The following SEMA4F variants were observed in gnomAD, a reference collection of about 807,000 sequenced individuals.
The protein encoded by SEMA4F is ssemaphorin 4F, also known as semaphorin-4F.
SEMA4F carries 51 observed loss-of-function variants against 78.4 expected under a neutral mutation model. The observed-to-expected ratio is 0.65, with a 90% confidence interval of 0.52 to 0.82. SEMA4F has a LOEUF of 0.82. Ranked by LOEUF, SEMA4F falls within the 40% of genes least tolerant of loss-of-function variation. The probability of loss-of-function intolerance (pLI) is 0.00; values close to 1 mark genes in which losing one functional copy is unlikely to be tolerated. For synonymous variants in SEMA4F, 418 were observed against 408.7 expected (o/e 1.02, Z -0.27); for missense variants, 938 against 1,014.4 (o/e 0.92, Z 1.02).
intron 5 of SEMA4F, among the ~76,000 whole-genome samples, chr2:74,670,303 ATCTG>A (rs550189236): frequency 2.0e-5 from 3 of 152,022 alleles, no homozygotes; most frequent in African/African-American, 4.8e-5. Flanking sequence ...GTACGTGTAT[ATCTG>A]TCTGTCTGTC....
intron 5 of SEMA4F, 42 bp downstream of exon 5, chr2:74,662,867 G>A (rs1191035637): frequency 6.7e-7 from 1 of 1,503,552 alleles, no homozygotes; most frequent in Non-Finnish European, 9.3e-7. Context: ...CTTGCTAATT[G>A]CCTCCTTCCC....
the SEMA4F span, among the ~76,000 whole-genome samples, chr2:74,699,351 A>G: frequency 2.0e-5 from 3 of 152,174 alleles, no homozygotes; most frequent in African/African-American, 7.2e-5. Flanking sequence ...CTTTACTACC[A>G]TAATCCATCT....
intron 12 of SEMA4F, among the ~76,000 whole-genome samples, chr2:74,679,045 C>CA (rs1290511320): frequency 6.6e-6 from 1 of 152,166 alleles, no homozygotes; most frequent in East Asian, 1.9e-4. Context: ...ATTTAGCTAT[C>CA]ACTGGTCTGC....
chr2:74,683,953 A>G (rs867080263), downstream of SEMA4F: 1 of 152,212 alleles, frequency 6.6e-6, no homozygotes, highest in Non-Finnish European at 1.5e-5. Context: ...CTATAGATAG[A>G]GCAGAGTAGC....
intron 7 of SEMA4F, 35 bp downstream of exon 7, chr2:74,673,863 C>T (rs1482790989): frequency 6.3e-7 from 1 of 1,597,422 alleles, no homozygotes; most frequent in East Asian, 2.2e-5. Context: ...TCTGTCATCT[C>T]CTGCTCTGTC....
downstream of SEMA4F, among the ~76,000 whole-genome samples, chr2:74,684,784 C>A (rs894988844): frequency 6.6e-6 from 1 of 152,102 alleles, no homozygotes; most frequent in African/African-American, 2.4e-5. Context: ...GGCAAAATGA[C>A]GGAATCCTGT....
intron 5 of SEMA4F, among the ~76,000 whole-genome samples, chr2:74,673,036 T>C (rs1685070042): frequency 6.6e-6 from 1 of 152,162 alleles, no homozygotes; most frequent in Non-Finnish European, 1.5e-5. Context: ...GAAAGAACAT[T>C]CATTCCCTGA....
chr2:74,673,364 C>T lies in SEMA4F; in HGVS notation c.551-93C>T, dbSNP rs145847751. The T allele has an allele frequency of 2.5e-4, 373 of 1,494,848 alleles. 2 individuals carry two copies. In the East Asian group the frequency reaches 4.7e-3, roughly 19 times the overall value. The allele number at this position is 1,494,848 out of a possible 1,614,324, so 92.6% of individuals were successfully genotyped here. ...TCATGGGTGTTTAGTCCCTGAGAGT[C>T]GCTGCCCTGCTTTATGCCCTACTCT... On this transcript the variant is annotated intron_variant, in intron 5 of 13. Coordinates refer to ENST00000357877, the MANE Select transcript of SEMA4F (RefSeq NM_004263.5).
At chr2:74,674,455 G>C (rs1369379591) in intron 7 of SEMA4F, 43 bp from the exon 8 acceptor site, 4 of 1,558,338 alleles carry the variant, frequency 2.6e-6, no homozygotes, top group Non-Finnish European at 3.5e-6. Flanking sequence ...CTTGCCCAAT[G>C]ATGATCATCT....
At chr2:74,664,260 A>G (rs1047190430) in intron 5 of SEMA4F, among the ~76,000 whole-genome samples, 3 of 152,210 alleles carry the variant, frequency 2.0e-5, no homozygotes, top group Non-Finnish European at 4.4e-5. Context: ...GAATTTTGTC[A>G]TGTAATTTTA....
At position 74,670,103 on chromosome 2, in the gene SEMA4F, G is replaced by A. The variant is rs114820061; in HGVS notation, c.551-3354G>A. The stretch of plus-strand genomic sequence containing the variant: ...TTGCACATCATCTTTTGCCAATGGC[G>A]GATGTGGCCTTGATCCATTCAGCAA... On this transcript the variant is annotated intron_variant, in intron 5 of 13. Coordinates refer to ENST00000357877, the MANE Select transcript of SEMA4F (RefSeq NM_004263.5). 4.9e-3 allele frequency among the ~76,000 whole-genome samples: 742 copies of A among 152,196 alleles called. 8 individuals carry two copies. The highest frequency in any genetic ancestry group is 0.02 in the East Asian group (103 of 5,182).
chr2:74,706,876 A>G, the SEMA4F span, among the ~76,000 whole-genome samples: 25 of 152,082 alleles, frequency 1.6e-4, no homozygotes, highest in South Asian at 6.2e-4. Context: ...CAAAGAGCCA[A>G]ATGAGGAGAG....
At chr2:74,694,659 C>T in the SEMA4F span, among the ~76,000 whole-genome samples, 2 of 152,294 alleles carry the variant, frequency 1.3e-5, no homozygotes, top group East Asian at 3.9e-4. Context: ...CTGGCTTATT[C>T]TTTTAAATAA....
chr2:74,663,849 A>G (rs1355450858), intron 5 of SEMA4F, among the ~76,000 whole-genome samples: 1 of 152,238 alleles, frequency 6.6e-6, no homozygotes, highest in African/African-American at 2.4e-5. Flanking sequence ...AAGCCATATC[A>G]TATCCTAAAT....
chr2:74,696,060 T>C, the SEMA4F span, among the ~76,000 whole-genome samples: 1 of 152,266 alleles, frequency 6.6e-6, no homozygotes, highest in East Asian at 1.9e-4. Flanking sequence ...TCTTTGCCCA[T>C]TTAGAAGGCA....
In SEMA4F at chr2:74,654,324, C is replaced by T. The variant is rs1236947363; in HGVS notation, c.-53C>T. On this transcript the variant is annotated 5_prime_UTR_variant, in exon 1 of 14. Coordinates refer to ENST00000357877, the MANE Select transcript of SEMA4F (RefSeq NM_004263.5). Reference sequence around the variant, plus strand: ...GGGGCCGAGGCCAGTAGCCCCGGGGCCCTGAGCAGAGGCCGTAGCTTGCGC... The same window carrying T: ...GGGGCCGAGGCCAGTAGCCCCGGGGTCCTGAGCAGAGGCCGTAGCTTGCGC... 9.9e-6 allele frequency: 14 copies of T among 1,409,896 alleles called. No homozygotes were observed. Among genetic ancestry groups the T allele is most frequent in the South Asian group, 7.6e-5 (5 of 66,110 alleles). The allele number at this position is 1,409,896 out of a possible 1,614,324, so 87.3% of individuals were successfully genotyped here. A position where few individuals can be genotyped will look rare whatever the true frequency, so the allele number is the denominator to read the frequency against.
chr2:74,684,414 A>G (rs375006073), downstream of SEMA4F, among the ~76,000 whole-genome samples: 3 of 152,088 alleles, frequency 2.0e-5, no homozygotes, highest in East Asian at 3.9e-4. Flanking sequence ...CTCATGCCGT[A>G]TGTCTATCCT....
At chr2:74,703,473 C>T in the SEMA4F span, among the ~76,000 whole-genome samples, 1 of 152,200 alleles carries the variant, frequency 6.6e-6, no homozygotes, top group Non-Finnish European at 1.5e-5. Context: ...AACTTAGCCG[C>T]GAAATAGTGA....
chr2:74,662,934 C>A, intron 5 of SEMA4F, 109 bp downstream of exon 5: 2 of 1,000,898 alleles, frequency 2.0e-6, no homozygotes, highest in South Asian at 2.7e-5. Flanking sequence ...CTATTATTCT[C>A]ATGTCTCTTT....
Sources: gnomAD v4.1 joint callset for allele counts (sites outside exome capture counted in the v4.1 genomes callset) on GRCh38, gnomAD v4.1.1 for gene constraint, MANE v1.5 for transcripts, NCBI Gene and HGNC (gene_info 2026-07-23, HGNC 2026-07-21) for gene names.